FARS2: variants seen among roughly 807,000 people sequenced by gnomAD.
FARS2 encodes the protein phenylalanyl-tRNA synthetase 2, mitochondrial.
FARS2 carries 40 observed loss-of-function variants against 46.4 expected under a neutral mutation model. The observed-to-expected ratio is 0.86, with a 90% confidence interval of 0.67 to 1.12. The LOEUF (loss-of-function observed/expected upper bound fraction) is 1.12. Ranked by LOEUF, FARS2 falls within the 50% of genes most tolerant of loss-of-function variation. FARS2 has a pLI of 0.00. For synonymous variants in FARS2, 234 were observed against 214.9 expected (o/e 1.09, Z -0.78); for missense variants, 513 against 567.9 (o/e 0.90, Z 0.98).
intron 5 of FARS2, among the ~76,000 whole-genome samples, chr6:5,583,821 G>A (rs540405119): frequency 1.3e-5 from 2 of 152,258 alleles, no homozygotes; most frequent in South Asian, 2.1e-4. Flanking sequence ...CCTGCAGTCT[G>A]TTCCATCCCG....
chr6:5,546,552 C>A (rs1351368291), intron 5 of FARS2, among the ~76,000 whole-genome samples: 2 of 151,750 alleles, frequency 1.3e-5, no homozygotes, highest in Non-Finnish European at 2.9e-5. Flanking sequence ...GCCCAGCCCT[C>A]ATCTAGTATC....
intron 3 of FARS2, among the ~76,000 whole-genome samples, chr6:5,409,688 A>G (rs1332486371): frequency 1.3e-5 from 2 of 152,216 alleles, no homozygotes; most frequent in Non-Finnish European, 2.9e-5. Context: ...TGGATAATAC[A>G]TGTTGGTTCA....
chr6:5,420,016 G>T (rs1762455943), intron 3 of FARS2, among the ~76,000 whole-genome samples: 1 of 152,158 alleles, frequency 6.6e-6, no homozygotes. Context: ...TGGAGTTACA[G>T]TTCCACCTGG....
intron 4 of FARS2, among the ~76,000 whole-genome samples, chr6:5,440,769 C>T (rs1001787989): frequency 1.3e-5 from 2 of 152,212 alleles, no homozygotes; most frequent in African/African-American, 2.4e-5. Flanking sequence ...GAGTGATCCT[C>T]CCACCTCAAC....
chr6:5,260,580 G>C (rs549475807), upstream of FARS2: 23 of 1,397,646 alleles, frequency 1.6e-5, 1 homozygote, highest in South Asian at 1.8e-4. Flanking sequence ...GATATTCCGC[G>C]TCAGCCCGCA....
intron 1 of FARS2, among the ~76,000 whole-genome samples, chr6:5,349,073 A>C (rs1377986743): frequency 6.6e-6 from 1 of 152,208 alleles, no homozygotes; most frequent in African/African-American, 2.4e-5. Flanking sequence ...AGAAAATCCA[A>C]AGTAATCTAT....
intron 6 of FARS2, among the ~76,000 whole-genome samples, chr6:5,699,663 A>G (rs1172918077): frequency 1.3e-5 from 2 of 152,118 alleles, no homozygotes; most frequent in African/African-American, 2.4e-5. Context: ...ACACACCACC[A>G]TGCCTGGCTA....
intron 4 of FARS2, among the ~76,000 whole-genome samples, chr6:5,476,535 T>TGAATGAAA (rs1196508744): frequency 6.6e-6 from 1 of 151,802 alleles, no homozygotes; most frequent in East Asian, 1.9e-4. Flanking sequence ...AGTTATTGGA[T>TGAATGAAA]GAATGAATGA....
intron 6 of FARS2, among the ~76,000 whole-genome samples, chr6:5,688,335 G>A (rs1383551070): frequency 6.6e-6 from 1 of 152,124 alleles, no homozygotes; most frequent in Non-Finnish European, 1.5e-5. Flanking sequence ...TTGGCTGTGG[G>A]TTCGTCATAC....
chr6:5,763,306 A>C (rs1400316843), intron 6 of FARS2, among the ~76,000 whole-genome samples: 2 of 152,088 alleles, frequency 1.3e-5, no homozygotes, highest in Non-Finnish European at 2.9e-5. Context: ...CAAAAAATTA[A>C]CTAGATGTGG....
At chr6:5,365,313 C>CTTTTTTTTTTTTTT (rs1469292273) in intron 1 of FARS2, among the ~76,000 whole-genome samples, 2 of 68,132 alleles carry the variant, frequency 2.9e-5, no homozygotes, top group Non-Finnish European at 5.8e-5. Context: ...GAGAAGTATA[C>CTTTTTTTTTTTTTT]TTTCTTTTTT....
rs567854762 is a variant in FARS2, at chr6:5,725,283, G to A, written c.1218-46008G>A. On this transcript the variant is annotated intron_variant, in intron 6 of 6. Transcript: ENST00000274680. ...GTATGGAGGAAGGTGAAAGGTGTCC[G>A]TGGGGAGAAAATTGGAAAGGAGCTT... Among the ~76,000 whole-genome samples, 6 of 152,338 alleles carry A rather than the reference G, an allele frequency of 3.9e-5. No homozygotes were observed. The South Asian group carries it at 8.3e-4, about 21-fold the overall frequency.
intron 4 of FARS2, among the ~76,000 whole-genome samples, chr6:5,448,208 G>A (rs1764285947): frequency 6.6e-6 from 1 of 152,148 alleles, no homozygotes; most frequent in Non-Finnish European, 1.5e-5. Context: ...CTGTGCTGTT[G>A]TTATTGCAGC....
intron 4 of FARS2, among the ~76,000 whole-genome samples, chr6:5,537,945 G>A (rs958855021): frequency 6.6e-6 from 1 of 151,488 alleles, no homozygotes; most frequent in African/African-American, 2.4e-5. Flanking sequence ...GCATAGGCTC[G>A]CCCTCTTAGG....
intron 1 of FARS2, among the ~76,000 whole-genome samples, chr6:5,326,199 G>T (rs561392759): frequency 1.4e-5 from 2 of 146,524 alleles, no homozygotes; most frequent in African/African-American, 4.9e-5. Context: ...TGTGCTGTCA[G>T]TGGAGAGCCT....
rs115522971 is a variant in FARS2 at position 5,444,183 on chromosome 6, C to T, written c.904+13011C>T. On this transcript the variant is annotated intron_variant, in intron 4 of 6. Transcript: ENST00000274680. ...CAATATAATCTTTTTAAAATTTTAG[C>T]GCAGGCTGGGTGCAATGGCTCAAGC... 4.2e-3 allele frequency among the ~76,000 whole-genome samples: 635 copies of T among 151,580 alleles called. 5 individuals carry two copies. Among genetic ancestry groups the T allele is most frequent in the African/African-American group, 0.015 (603 of 41,294 alleles).
chr6:5,726,409 G>A (rs1438265976), intron 6 of FARS2, among the ~76,000 whole-genome samples: 4 of 152,116 alleles, frequency 2.6e-5, no homozygotes, highest in Non-Finnish European at 5.9e-5. Context: ...AAATATTTAG[G>A]CAATGATGAT....
intron 6 of FARS2, among the ~76,000 whole-genome samples, chr6:5,745,879 G>T (rs1761606403): frequency 6.6e-6 from 1 of 152,106 alleles, no homozygotes; most frequent in African/African-American, 2.4e-5. Flanking sequence ...ATCAGGGGGA[G>T]CCCTCTGTGA....
At chr6:5,549,723 G>T (rs1396144906) in intron 5 of FARS2, among the ~76,000 whole-genome samples, 2 of 152,098 alleles carry the variant, frequency 1.3e-5, no homozygotes, top group African/African-American at 4.8e-5. Context: ...ATTTCCTGTT[G>T]AATATAAGGT....
Sources: gnomAD v4.1 joint callset for allele counts (sites outside exome capture counted in the v4.1 genomes callset) on GRCh38, gnomAD v4.1.1 for gene constraint, MANE v1.5 for transcripts, NCBI Gene and HGNC (gene_info 2026-07-23, HGNC 2026-07-21) for gene names.